The following CDH12 variants were observed in gnomAD, a reference collection of about 807,000 sequenced individuals.
CDH12 encodes the protein cadherin-12.
A neutral mutation model predicts 74.1 loss-of-function variants in CDH12; 41 were observed. The observed-to-expected ratio is 0.55, with a 90% confidence interval of 0.43 to 0.72. CDH12 has a LOEUF of 0.72. Ranked by LOEUF, CDH12 falls within the 30% of genes least tolerant of loss-of-function variation. The pLI is 0.00. For missense variants in CDH12, 945 were observed against 977.2 expected (o/e 0.97, Z 0.44); for synonymous variants, 399 against 355.0 (o/e 1.12, Z -1.39).
intron 6 of CDH12, among the ~76,000 whole-genome samples, chr5:21,951,472 T>C (rs1755859676): frequency 6.6e-6 from 1 of 152,094 alleles, no homozygotes; most frequent in South Asian, 2.1e-4. Flanking sequence ...GGTCACAAAC[T>C]CCTGACCTCA....
intron 6 of CDH12, among the ~76,000 whole-genome samples, chr5:21,936,043 C>T (rs1755059717): frequency 6.6e-6 from 1 of 152,088 alleles, no homozygotes; most frequent in South Asian, 2.1e-4. Flanking sequence ...GTGAGTAGTG[C>T]TGCAATAAAC....
Position 21,880,568 on chromosome 5 carries a change from TTTCTTTCCTTCC to T in CDH12, c.527-25790_527-25779del, listed in dbSNP as rs1486570184. ...CTTCCTTCCTTCCTTCCTTCCCTTC[TTTCTTTCCTTCC>T]TTCCTTCCTTCCTTCCTTCCTTCCT... On this transcript the variant is annotated intron_variant, in intron 6 of 14. Transcript: ENST00000382254. Among the ~76,000 whole-genome samples the T allele has an allele frequency of 1.6e-3, 24 of 15,296 alleles. 1 individual carries two copies. Among genetic ancestry groups the T allele is most frequent in the South Asian group, 6.5e-3 (1 of 154 alleles). The allele number at this position is 15,296 out of a possible 152,430, so 10.0% of individuals were successfully genotyped here.
intron 2 of CDH12, among the ~76,000 whole-genome samples, chr5:22,502,035 C>G (rs1282363887): frequency 3.9e-5 from 6 of 152,114 alleles, no homozygotes; most frequent in Admixed American, 2.0e-4. Context: ...ACTTCCAAAA[C>G]TTTCCATTTG....
chr5:21,955,057 G>C (rs1229454096), intron 6 of CDH12, among the ~76,000 whole-genome samples: 1 of 152,036 alleles, frequency 6.6e-6, no homozygotes, highest in Non-Finnish European at 1.5e-5. Context: ...AATTTTAGTA[G>C]TGGATAGGTA....
chr5:22,430,682 G>A (rs1744133689), intron 2 of CDH12, among the ~76,000 whole-genome samples: 1 of 152,020 alleles, frequency 6.6e-6, no homozygotes, highest in Admixed American at 6.6e-5. Flanking sequence ...CTAGGCAATT[G>A]GGAATTTCTA....
intron 6 of CDH12, among the ~76,000 whole-genome samples, chr5:21,874,887 C>T (rs1393504010): frequency 2.0e-5 from 3 of 152,156 alleles, no homozygotes; most frequent in East Asian, 1.9e-4. Flanking sequence ...TCATGCATGG[C>T]CCAAAGTTTC....
At chr5:22,708,514 G>A (rs1489201386) in intron 1 of CDH12, among the ~76,000 whole-genome samples, 11 of 152,090 alleles carry the variant, frequency 7.2e-5, no homozygotes. Context: ...GGAGTAAAAG[G>A]AAAAGCCTCC....
intron 1 of CDH12, among the ~76,000 whole-genome samples, chr5:22,809,401 G>A (rs1249139265): frequency 6.6e-6 from 1 of 151,142 alleles, no homozygotes; most frequent in Non-Finnish European, 1.5e-5. Context: ...AAAATATAGG[G>A]ATCTTATAAA....
chr5:22,742,194 GA>G (rs1745062227), intron 1 of CDH12, among the ~76,000 whole-genome samples: 1 of 148,512 alleles, frequency 6.7e-6, no homozygotes, highest in South Asian at 2.1e-4. Flanking sequence ...AAAAAAAGAA[GA>G]AAGAAAGAAA....
intron 3 of CDH12, among the ~76,000 whole-genome samples, chr5:22,303,623 G>A (rs1737986596): frequency 6.6e-6 from 1 of 152,042 alleles, no homozygotes; most frequent in Admixed American, 6.6e-5. Context: ...GTTCATTTAA[G>A]CAATGAAATA....
At chr5:21,805,214 G>A (rs543163153) in intron 9 of CDH12, among the ~76,000 whole-genome samples, 153 of 152,138 alleles carry the variant, frequency 1.0e-3, no homozygotes, top group African/African-American at 3.5e-3. Context: ...ATATGTTGAA[G>A]TACTTCTAAT....
intron 6 of CDH12, among the ~76,000 whole-genome samples, chr5:21,872,767 G>T (rs567781305): frequency 6.6e-6 from 1 of 151,456 alleles, no homozygotes; most frequent in African/African-American, 2.4e-5. Context: ...AGATGCCTCT[G>T]CCATGTTAAG....
At chr5:22,702,620 GA>G (rs1742774743) in intron 1 of CDH12, among the ~76,000 whole-genome samples, 1 of 151,970 alleles carries the variant, frequency 6.6e-6, no homozygotes, top group Non-Finnish European at 1.5e-5. Flanking sequence ...GGGCTAAGAA[GA>G]AAGTGAATAT....
chr5:22,289,450 T>C (rs1737288259), intron 3 of CDH12, among the ~76,000 whole-genome samples: 1 of 152,154 alleles, frequency 6.6e-6, no homozygotes, highest in Non-Finnish European at 1.5e-5. Flanking sequence ...AAAAGGAAGA[T>C]AGCATAAAAT....
At chr5:22,118,413 T>G (rs1008162228) in intron 4 of CDH12, among the ~76,000 whole-genome samples, 1 of 152,142 alleles carries the variant, frequency 6.6e-6, no homozygotes, top group African/African-American at 2.4e-5. Flanking sequence ...ACCATCTCAC[T>G]GCTTGCTACA....
intron 3 of CDH12, among the ~76,000 whole-genome samples, chr5:22,281,193 T>C (rs1316682683): frequency 1.3e-5 from 2 of 152,158 alleles, no homozygotes; most frequent in Admixed American, 6.6e-5. Flanking sequence ...CTAAAAACTC[T>C]CAATAAATTA....
intron 3 of CDH12, among the ~76,000 whole-genome samples, chr5:22,348,585 G>A (rs997625272): frequency 6.6e-6 from 1 of 152,294 alleles, no homozygotes; most frequent in East Asian, 1.9e-4. Flanking sequence ...AATCCACGAT[G>A]AGACAGATTT....
intron 1 of CDH12, among the ~76,000 whole-genome samples, chr5:22,570,074 G>C (rs1273106111): frequency 7.1e-6 from 1 of 140,352 alleles, no homozygotes; most frequent in Non-Finnish European, 1.5e-5. Context: ...TTTATTTATT[G>C]AGACCGAGTC....
rs559946354 is a variant in CDH12 at position 22,736,909 on chromosome 5, C to A, written c.-523+116149G>T. On this transcript the variant is annotated intron_variant, in intron 1 of 14. Transcript: ENST00000382254. ...AACTTTAAGCCACTGTTAATACAGT[C>A]CATAGTAACCAGAAGCAATACTTTA... is the stretch of plus-strand genomic sequence containing the variant. 5.7e-4 allele frequency among the ~76,000 whole-genome samples: 86 copies of A among 151,948 alleles called. 1 individual carries two copies. The South Asian group carries it at 0.017, about 30-fold the overall frequency.
Sources: gnomAD v4.1 joint callset for allele counts (sites outside exome capture counted in the v4.1 genomes callset) on GRCh38, gnomAD v4.1.1 for gene constraint, MANE v1.5 for transcripts, NCBI Gene and HGNC (gene_info 2026-07-23, HGNC 2026-07-21) for gene names.